The following CXorf38 variants were observed in gnomAD, a reference collection of about 807,000 sequenced individuals.
CXorf38 encodes the protein chromosome X open reading frame 38.
CXorf38 carries 13 observed loss-of-function variants against 27.5 expected under a neutral mutation model. The observed-to-expected ratio is 0.47, with a 90% CI of 0.31 to 0.75. The LOEUF (loss-of-function observed/expected upper bound fraction) is 0.75, where lower values mean the gene tolerates loss of function less well. CXorf38 is among the 30% of genes least tolerant of loss of function. The pLI, the probability that CXorf38 is intolerant of heterozygous loss-of-function variation, is 0.05. For synonymous variants in CXorf38, 100 were observed against 99.8 expected (o/e 1.00, Z -0.01); for missense variants, 240 against 253.2 (o/e 0.95, Z 0.35).
intron 2 of CXorf38, among the ~76,000 whole-genome samples, chrX:40,642,726 A>G (rs955381222): frequency 5.4e-5 from 6 of 111,643 alleles, no homozygotes; most frequent in African/African-American, 1.6e-4. Context: ...TGGGAGGCAG[A>G]TAGAGAAATG....
chrX:40,628,603 G>T lies in CXorf38; in HGVS notation c.*1561C>A, dbSNP rs1477444121. 8.9e-6 allele frequency: 1 copy of T among 112,453 alleles called. No homozygotes were observed. The highest frequency in any genetic ancestry group is 1.9e-5 in the Non-Finnish European group (1 of 53,303). The allele number at this position is 112,453 out of a possible 1,213,427, so 9.3% of individuals were successfully genotyped here. ...TTTAGGGGTAAAAGGTATAGAAGAA[G>T]CATGAACGAATGTGTGAATTTGTTG... On this transcript the variant is annotated 3_prime_UTR_variant, in exon 7 of 7. Coordinates refer to ENST00000327877, the MANE Select transcript of CXorf38 (RefSeq NM_144970.3).
At position 40,628,175 on chromosome X, in the gene CXorf38, A is replaced by G. The variant is rs766347160; in HGVS notation, c.*1989T>C. On this transcript the variant is annotated 3_prime_UTR_variant, in exon 7 of 7. Transcript: ENST00000327877. ...AGGGAGAAAGAAAATGTAAGACTAA[A>G]GACTAAATACTACCTGGACAGATTA... 1 of 112,470 alleles carries G rather than the reference A, an allele frequency of 8.9e-6. No individual in the cohort carries two copies. The highest frequency in any genetic ancestry group is 3.7e-4 in the South Asian group (1 of 2,739). 9.3% of individuals were successfully genotyped at this position (112,470 alleles called of 1,213,427 possible). A position where few individuals can be genotyped will look rare whatever the true frequency, so the allele number is the denominator to read the frequency against.
chrX:40,643,055 G>A (rs756701838), intron 2 of CXorf38, among the ~76,000 whole-genome samples: 2 of 109,178 alleles, frequency 1.8e-5, no homozygotes, highest in Admixed American at 2.0e-4. Context: ...GGATTACAGG[G>A]ATGAACCACC....
Position 40,639,132 on chromosome X carries a change from T to A in CXorf38, c.352-4A>T. On this transcript the variant is annotated splice_polypyrimidine_tract_variant and splice_region_variant and intron_variant, in intron 2 of 6. Transcript: ENST00000327877. ...CTAGTCCTCGGGGCATGAAGGCCTA[T>A]AGCAAGGGAGGGAGGAGGGGGACCT... 1 of 1,208,607 alleles carries A rather than the reference T, an allele frequency of 8.3e-7. No homozygotes were observed. The highest frequency in any genetic ancestry group is 1.1e-6 in the Non-Finnish European group (1 of 893,400).
chrX:40,647,184 G>C (rs1569273911), intron 1 of CXorf38, 43 bp from the exon 2 acceptor site: 2 of 1,203,187 alleles, frequency 1.7e-6, no homozygotes, highest in Non-Finnish European at 2.2e-6. Flanking sequence ...AGGGAGGGAC[G>C]TCGCGGTGGG....
chrX:40,630,826 G>A, intron 5 of CXorf38, 53 bp from the exon 6 acceptor site: 1 of 1,125,568 alleles, frequency 8.9e-7, no homozygotes, highest in Non-Finnish European at 1.2e-6. Flanking sequence ...TAGCAGATTT[G>A]TAATTCAAAT....
At chrX:40,630,588 T>C (rs1569268198) in intron 6 of CXorf38, 26 bp downstream of exon 6, 1 of 1,191,788 alleles carries the variant, frequency 8.4e-7, no homozygotes, top group East Asian at 3.0e-5. Flanking sequence ...TGTCCTTCTT[T>C]AACACCATCA....
intron 5 of CXorf38, among the ~76,000 whole-genome samples, chrX:40,633,169 T>C (rs932413964): frequency 3.6e-5 from 4 of 110,687 alleles, no homozygotes; most frequent in African/African-American, 6.6e-5. Context: ...TGCTTCTATC[T>C]CGGCCCCTCC....
chrX:40,638,667 TTC>T (rs764770872), intron 3 of CXorf38, among the ~76,000 whole-genome samples: 1 of 111,843 alleles, frequency 8.9e-6, no homozygotes, highest in Non-Finnish European at 1.9e-5. Context: ...ATTACTTTGG[TTC>T]TGTTTATGGC....
intron 3 of CXorf38, among the ~76,000 whole-genome samples, chrX:40,638,220 C>G (rs1443339119): frequency 3.6e-5 from 4 of 112,005 alleles, no homozygotes. Context: ...ATATATAATT[C>G]ATATAGAGTC....
rs763447026 is a variant in CXorf38, at chrX:40,637,133, G to A, written c.495C>T (p.Ile165=). The part of the protein sequence containing the change: ...VTEVIKCRNE[I]MHSSEMKVSS... The stretch of plus-strand genomic sequence containing the variant: ...ATACTTTCATCTCTGAAGAGTGCAT[G>A]ATCTCATTACGACATTTAATTACCT... The change falls in exon 4 of 7, where the codon ATC becomes ATT. Residue 165 remains isoleucine (I), a synonymous_variant. Transcript: ENST00000327877. 1 of 1,187,621 alleles carries A rather than the reference G, an allele frequency of 8.4e-7. No homozygotes were observed. The highest frequency in any genetic ancestry group is 1.1e-6 in the Non-Finnish European group (1 of 883,284).
chrX:40,631,902 C>T (rs1397424658), intron 5 of CXorf38, among the ~76,000 whole-genome samples: 2 of 111,370 alleles, frequency 1.8e-5, no homozygotes, highest in African/African-American at 3.3e-5. Context: ...GGAGGAGCTG[C>T]AGATGATCAA....
rs780221177 is a variant in CXorf38 at position 40,636,573 on chromosome X, A to G, written c.761T>C (p.Ile254Thr). Residue 254 changes from isoleucine to threonine, a missense_variant, in exon 5 of 7, where the codon ATA (isoleucine) becomes ACA (threonine). Transcript: ENST00000327877. ...MQLLKEKLQE[I>T]YLQAEEQEVL... is the part of the protein sequence containing the mutation. ...CTCTTGTTCTTCTGCTTGAAGATATATCTCTTGAAGTTTCTCCTTTAGTAA... is the reference window on the plus strand; with the variant it reads ...CTCTTGTTCTTCTGCTTGAAGATATGTCTCTTGAAGTTTCTCCTTTAGTAA... The G allele has an allele frequency of 2.5e-6, 3 of 1,205,575 alleles. No homozygotes were observed. Among genetic ancestry groups the G allele is most frequent in the Non-Finnish European group, 3.4e-6 (3 of 891,316 alleles).
At chrX:40,638,036 C>T (rs746299481) in intron 3 of CXorf38, among the ~76,000 whole-genome samples, 1 of 112,190 alleles carries the variant, frequency 8.9e-6, no homozygotes, top group Non-Finnish European at 1.9e-5. Flanking sequence ...AAAGAGCAAG[C>T]GCATCAGCTC....
intron 5 of CXorf38, 137 bp from the exon 6 acceptor site, chrX:40,630,910 G>T: frequency 2.2e-6 from 1 of 461,132 alleles, no homozygotes; most frequent in Non-Finnish European, 3.4e-6. Flanking sequence ...ACAGGCATCT[G>T]TCCACAGACA....
chrX:40,630,900 A>G (rs1037789575), intron 5 of CXorf38, 127 bp from the exon 6 acceptor site: 13 of 573,684 alleles, frequency 2.3e-5, no homozygotes, highest in Non-Finnish European at 3.5e-5. Context: ...AATCTTGGCT[A>G]CAGGCATCTG....
rs1437949203 is a variant in CXorf38, at chrX:40,627,665, AG to A, written c.*2498del. 1 of 112,235 alleles carries A rather than the reference AG, an allele frequency of 8.9e-6. No homozygotes were observed. The highest frequency in any genetic ancestry group is 1.9e-5 in the Non-Finnish European group (1 of 53,317). 9.2% of individuals were successfully genotyped at this position (112,235 alleles called of 1,213,427 possible). A position where few individuals can be genotyped will look rare whatever the true frequency, so the allele number is the denominator to read the frequency against. Reference sequence around the variant, plus strand: ...TCCTGTTGTGCACACCCTTGTGCCCAGGTGCACAGTTCTGTTAAATAGAAAG... The same window carrying A: ...TCCTGTTGTGCACACCCTTGTGCCCAGTGCACAGTTCTGTTAAATAGAAAG... On this transcript the variant is annotated 3_prime_UTR_variant, in exon 7 of 7. Coordinates refer to ENST00000327877, the MANE Select transcript of CXorf38 (RefSeq NM_144970.3).
At chrX:40,631,297 G>A (rs1374696421) in intron 5 of CXorf38, among the ~76,000 whole-genome samples, 1 of 104,974 alleles carries the variant, frequency 9.5e-6, no homozygotes, top group Non-Finnish European at 2.0e-5. Flanking sequence ...ACACGTGTAT[G>A]TGTGTGTGTG....
intron 5 of CXorf38, among the ~76,000 whole-genome samples, chrX:40,631,328 G>A (rs1418221574): frequency 9.3e-6 from 1 of 106,966 alleles, no homozygotes; most frequent in Non-Finnish European, 1.9e-5. Context: ...GTTTTTTTGA[G>A]ACAGTGTCTT....
Sources: gnomAD v4.1 joint callset for allele counts (sites outside exome capture counted in the v4.1 genomes callset) on GRCh38, gnomAD v4.1.1 for gene constraint, MANE v1.5 for transcripts, NCBI Gene and HGNC (gene_info 2026-07-23, HGNC 2026-07-21) for gene names.